The following DNAI3 variants were observed in gnomAD, a reference collection of about 807,000 sequenced individuals.
DNAI3 encodes dynein axonemal intermediate chain 3.
DNAI3 carries 83 observed loss-of-function variants against 115.5 expected under a neutral mutation model. The ratio of observed to expected loss-of-function variants is 0.72; its 90% CI spans 0.60 to 0.86. The LOEUF is 0.86. Among genes scored for constraint, DNAI3 ranks in the 40% least tolerant of loss-of-function variants. The pLI is 0.00. For synonymous variants in DNAI3, 320 were observed against 347.0 expected, an observed-to-expected ratio of 0.92 and a Z score of 0.86; for missense variants, 1,004 against 1,075.8, an observed-to-expected ratio of 0.93 and a Z score of 0.93.
chr1:85,103,876 G>C (rs532765405), intron 13 of DNAI3, among the ~76,000 whole-genome samples: 1 of 138,352 alleles, frequency 7.2e-6, no homozygotes, highest in Non-Finnish European at 1.5e-5. Context: ...CACAGAATGA[G>C]ATGCCTTCTC....
rs186011665 is a variant in DNAI3, at chr1:85,106,567, G to A, written c.1554-1466G>A. 7.7e-4 allele frequency among the ~76,000 whole-genome samples: 117 copies of A among 152,208 alleles called. 2 individuals carry two copies. Among genetic ancestry groups the A allele is most frequent in the East Asian group, 5.2e-3 (27 of 5,184 alleles). ...AAGGCAAATAATGAGACCTAGAATA[G>A]CCAAAACAATCTTGTCAAGGAAGAA... On this transcript the variant is annotated intron_variant, in intron 14 of 22. Coordinates refer to ENST00000294664, the MANE Select transcript of DNAI3 (RefSeq NM_145172.5).
At chr1:85,090,488 G>A (rs1654939304) in intron 8 of DNAI3, among the ~76,000 whole-genome samples, 1 of 152,140 alleles carries the variant, frequency 6.6e-6, no homozygotes, top group Non-Finnish European at 1.5e-5. Flanking sequence ...CCTAATTGCA[G>A]ATTAACATTT....
chr1:85,099,258 T>C (rs1655215695), intron 13 of DNAI3: 1 of 985,278 alleles, frequency 1.0e-6, no homozygotes, highest in African/African-American at 1.7e-5. Context: ...ATTAAAGATC[T>C]ACTATGTACT....
intron 1 of DNAI3, among the ~76,000 whole-genome samples, chr1:85,064,309 T>C (rs1358855847): frequency 6.6e-6 from 1 of 152,078 alleles, no homozygotes; most frequent in African/African-American, 2.4e-5. Context: ...AGTAATAGGA[T>C]AGCATCTACT....
intron 13 of DNAI3, among the ~76,000 whole-genome samples, chr1:85,104,109 A>C (rs1655411866): frequency 6.7e-6 from 1 of 149,374 alleles, no homozygotes; most frequent in Admixed American, 6.7e-5. Flanking sequence ...CTTCTGAGAT[A>C]GTGGTATGTC....
At chr1:85,118,119 C>A (rs1655888103) in intron 17 of DNAI3, among the ~76,000 whole-genome samples, 1 of 152,104 alleles carries the variant, frequency 6.6e-6, no homozygotes, top group Admixed American at 6.5e-5. Context: ...TACAAATATT[C>A]ATCAAATACC....
At position 85,124,221 on chromosome 1, in the gene DNAI3, G is replaced by A. The variant is rs940188213; in HGVS notation, c.2082G>A (p.Trp694Ter). ...ACATTATTCTCACGGTTGGAGGTTG[G>A]AACGTGGCCATATGGAAAGAAGGTG... ...YNDIILTVGG[W>*]NVAIWKEGVM... The change falls in exon 19 of 23, where the codon TGG becomes TGA. Residue 694 changes from tryptophan to a stop codon, truncating the protein, a stop_gained. Transcript: ENST00000294664. LOFTEE classifies it high-confidence loss of function. 1.2e-6 allele frequency: 2 copies of A among 1,611,346 alleles called. No homozygotes were observed. Among genetic ancestry groups the A allele is most frequent in the Non-Finnish European group, 1.7e-6 (2 of 1,179,528 alleles).
intron 8 of DNAI3, among the ~76,000 whole-genome samples, chr1:85,093,004 G>C (rs1159665672): frequency 6.6e-6 from 1 of 152,222 alleles, no homozygotes; most frequent in Non-Finnish European, 1.5e-5. Flanking sequence ...ATGACATCAA[G>C]TTAGAGGCAG....
At chr1:85,091,279 T>C (rs1258112830) in intron 8 of DNAI3, among the ~76,000 whole-genome samples, 3 of 152,228 alleles carry the variant, frequency 2.0e-5, no homozygotes, top group Non-Finnish European at 4.4e-5. Context: ...AACTAGATCT[T>C]GAGGGAATAA....
At position 85,133,029 on chromosome 1, in the gene DNAI3, T is replaced by G. The variant is rs1178907392; in HGVS notation, c.*31T>G. ...CTTCCTGAAGGGGTGTTTTGGGGACTTCTTCCCTCTATTTATTTTTATGTC... is the reference window on the plus strand; with the variant it reads ...CTTCCTGAAGGGGTGTTTTGGGGACGTCTTCCCTCTATTTATTTTTATGTC... On this transcript the variant is annotated 3_prime_UTR_variant, in exon 23 of 23. Transcript: ENST00000294664. 1 of 1,591,684 alleles carries G rather than the reference T, an allele frequency of 6.3e-7. No individual in the cohort carries two copies. Among genetic ancestry groups the G allele is most frequent in the Non-Finnish European group, 8.5e-7 (1 of 1,173,488 alleles).
At chr1:85,125,576 A>G (rs992546192) in intron 19 of DNAI3, among the ~76,000 whole-genome samples, 2 of 151,786 alleles carry the variant, frequency 1.3e-5, no homozygotes, top group Non-Finnish European at 2.9e-5. Flanking sequence ...GTAGTTAAAG[A>G]AAAAGAAAAA....
chr1:85,073,183 G>A, intron 3 of DNAI3, 91 bp downstream of exon 3: 1 of 938,276 alleles, frequency 1.1e-6, no homozygotes, highest in Non-Finnish European at 1.5e-6. Context: ...AAACTGAAGT[G>A]ATCAATCAAA....
Position 85,066,314 on chromosome 1 carries a change from CTTTTTTTTT to C in DNAI3, c.-15+3846_-15+3854del, listed in dbSNP as rs57553075. The stretch of plus-strand genomic sequence containing the variant: ...TAGACGAATTATCTCTTCTGCTACT[CTTTTTTTTT>C]TTTTTTTTTTTTTTTTTGAGATGGA... On this transcript the variant is annotated intron_variant, in intron 1 of 22. Coordinates refer to ENST00000294664, the MANE Select transcript of DNAI3 (RefSeq NM_145172.5). Among the ~76,000 whole-genome samples, 77 of 70,036 alleles carry C rather than the reference CTTTTTTTTT, an allele frequency of 1.1e-3. No individual in the cohort carries two copies. In the East Asian group the frequency reaches 0.018, roughly 16 times the overall value. The allele number at this position is 70,036 out of a possible 152,430, so 45.9% of individuals were successfully genotyped here.
intron 12 of DNAI3, 106 bp downstream of exon 12, chr1:85,097,761 G>GAAAA: frequency 1.3e-6 from 1 of 763,350 alleles, no homozygotes; most frequent in Non-Finnish European, 1.9e-6. Context: ...GAGAAAAAAG[G>GAAAA]AAAAAAAAAA....
At position 85,133,038 on chromosome 1, in the gene DNAI3, CTATT is replaced by C. The variant is rs1255827006; in HGVS notation, c.*46_*49del. The stretch of plus-strand genomic sequence containing the variant: ...GGGGTGTTTTGGGGACTTCTTCCCT[CTATT>C]TATTTTTATGTCAGGTGAACTGGCA... On this transcript the variant is annotated 3_prime_UTR_variant, in exon 23 of 23. Coordinates refer to ENST00000294664, the MANE Select transcript of DNAI3 (RefSeq NM_145172.5). 1.9e-6 allele frequency: 3 copies of C among 1,580,310 alleles called. No individual in the cohort carries two copies. The highest frequency in any genetic ancestry group is 2.6e-6 in the Non-Finnish European group (3 of 1,168,860).
At chr1:85,082,970 T>C (rs1166614818) in intron 5 of DNAI3, among the ~76,000 whole-genome samples, 2 of 152,196 alleles carry the variant, frequency 1.3e-5, no homozygotes, top group Non-Finnish European at 2.9e-5. Context: ...GGCACCATTA[T>C]TGCACATTTC....
intron 5 of DNAI3, among the ~76,000 whole-genome samples, chr1:85,083,811 C>G (rs1236467096): frequency 6.6e-6 from 1 of 151,978 alleles, no homozygotes; most frequent in Non-Finnish European, 1.5e-5. Flanking sequence ...TATAAGGAAC[C>G]ATTATTCTAA....
intron 16 of DNAI3, 117 bp downstream of exon 16, chr1:85,110,252 T>G (rs531055292): frequency 1.2e-6 from 1 of 807,896 alleles, no homozygotes; most frequent in Non-Finnish European, 1.9e-6. Flanking sequence ...CAGATCGAGA[T>G]CATCCTGGCT....
intron 12 of DNAI3, among the ~76,000 whole-genome samples, chr1:85,097,923 G>A (rs1655171352): frequency 6.6e-6 from 1 of 152,146 alleles, no homozygotes. Flanking sequence ...ATGAAATGAA[G>A]GGACCAAGTG....
Sources: allele counts gnomAD v4.1 joint callset (sites outside exome capture counted in the v4.1 genomes callset), GRCh38; gene constraint gnomAD v4.1.1; transcripts MANE v1.5; gene names NCBI Gene and HGNC (gene_info 2026-07-23, HGNC 2026-07-21).